The following ATP2A1 variants were observed in gnomAD, a reference collection of about 807,000 sequenced individuals.
ATP2A1 encodes the protein sarcoplasmic/endoplasmic reticulum calcium ATPase 1.
Under a neutral mutation model 109.5 loss-of-function variants are expected in ATP2A1, and 83 were observed. The ratio of observed to expected loss-of-function variants is 0.76; its 90% CI spans 0.63 to 0.91. ATP2A1 has a LOEUF of 0.91. ATP2A1 is among the 40% of genes least tolerant of loss of function. The pLI, the probability that ATP2A1 is intolerant of heterozygous loss-of-function variation, is 0.00. For synonymous variants in ATP2A1, 505 were observed against 537.6 expected, an observed-to-expected ratio of 0.94 and a Z score of 0.84; for missense variants, 1,101 against 1,341.0, an observed-to-expected ratio of 0.82 and a Z score of 2.80.
At chr16:28,879,738 GTCC>G (rs1963400775) in intron 3 of ATP2A1, 155 bp downstream of exon 3, 1 of 903,494 alleles carries the variant, frequency 1.1e-6, no homozygotes, top group Non-Finnish European at 1.7e-6. Context: ...TGTGATTCGC[GTCC>G]TCCTCTCTCC....
Position 28,898,498 on chromosome 16 carries a change from G to A in ATP2A1, c.1764+47G>A, listed in dbSNP as rs371166624. On this transcript the variant is annotated intron_variant, in intron 14 of 22. Transcript: ENST00000395503. The surrounding 1 kb of genome is among the most constrained non-coding windows in gnomAD (Gnocchi z 4.0). Reference sequence around the variant, plus strand: ...ACTGTCGTGGAGCTGGTGAAGGGCCGGGTCCCAGCCATCCACTCACAGCTC... The same window carrying A: ...ACTGTCGTGGAGCTGGTGAAGGGCCAGGTCCCAGCCATCCACTCACAGCTC... 39 of 1,574,732 alleles carry A rather than the reference G, an allele frequency of 2.5e-5. No individual in the cohort carries two copies. The African/African-American group carries it at 3.1e-4, about 13-fold the overall frequency.
In ATP2A1 at chr16:28,902,523, C is replaced by A; in HGVS notation, c.2525-57C>A. The A allele has an allele frequency of 6.3e-7, 1 of 1,586,902 alleles. No homozygotes were observed. Among genetic ancestry groups the A allele is most frequent in the Non-Finnish European group, 8.6e-7 (1 of 1,159,600 alleles). On this transcript the variant is annotated intron_variant, in intron 17 of 22. Coordinates refer to ENST00000395503, the MANE Select transcript of ATP2A1 (RefSeq NM_004320.6). The surrounding 1 kb of genome is among the most constrained non-coding windows in gnomAD (Gnocchi z 4.8). ...TCCATGGCCACATGAGGCCCTCAAC[C>A]CTCGATGCCCCCTATCTCCCCAGCC...
chr16:28,900,502 C>CAA, intron 14 of ATP2A1, 79 bp from the exon 15 acceptor site: 7 of 644,218 alleles, frequency 1.1e-5, no homozygotes, highest in East Asian at 4.6e-5. Context: ...TTCACCCCAT[C>CAA]CCCACCCCCC....
chr16:28,887,664 C>T lies in ATP2A1; in HGVS notation c.870C>T (p.Arg290=), dbSNP rs201786788. The T allele has an allele frequency of 2.3e-4, 368 of 1,614,120 alleles. 1 individual carries two copies. The Admixed American group carries it at 5.7e-3, about 25-fold the overall frequency. The change falls in exon 8 of 23, where the codon CGC becomes CGT. Residue 290 remains arginine, a synonymous_variant. Transcript: ENST00000395503. Reference sequence around the variant, plus strand: ...CCGTCCATGGGGGCTCCTGGTTCCGCGGGGCCATCTACTACTTTAAGATTG... The same window carrying T: ...CCGTCCATGGGGGCTCCTGGTTCCGTGGGGCCATCTACTACTTTAAGATTG... ...NDPVHGGSWF[R]GAIYYFKIAV... is the part of the protein sequence containing the mutation.
chr16:28,887,425 G>C lies in ATP2A1; in HGVS notation c.631G>C (p.Gly211Arg). Residue 211 changes from glycine (G) to arginine (R), a missense_variant and splice_region_variant, in exon 8 of 23, where the codon GGC (glycine) becomes CGC (arginine). Physicochemically the swap from Gly to Arg is moderately radical, Grantham distance 125. Coordinates refer to ENST00000395503, the MANE Select transcript of ATP2A1 (RefSeq NM_004320.6). Reference protein sequence around the residue: ...NQDKKNMLFSGTNIAAGKALG... With the variant: ...NQDKKNMLFSRTNIAAGKALG... ...CCCTGCCTCCTCTTTCCCTTCCCAGGGCACCAACATTGCAGCCGGCAAGGC... is the reference window on the plus strand; with the variant it reads ...CCCTGCCTCCTCTTTCCCTTCCCAGCGCACCAACATTGCAGCCGGCAAGGC... The C allele has an allele frequency of 6.2e-7, 1 of 1,613,892 alleles. No homozygotes were observed. The highest frequency in any genetic ancestry group is 1.1e-5 in the South Asian group (1 of 91,054).
intron 12 of ATP2A1, among the ~76,000 whole-genome samples, chr16:28,896,566 C>T (rs1963923495): frequency 6.6e-6 from 1 of 152,164 alleles, no homozygotes; most frequent in South Asian, 2.1e-4. Context: ...GCATGTGCCA[C>T]AACGCCCAAC....
Position 28,881,030 on chromosome 16 carries a change from ACCCTTCCTTAC to A in ATP2A1, c.324+18_324+28del. On this transcript the variant is annotated intron_variant, in intron 4 of 22. Coordinates refer to ENST00000395503, the MANE Select transcript of ATP2A1 (RefSeq NM_004320.6). ...GTGGGGGTTTGGCAGGTTAGCGTTG[ACCCTTCCTTAC>A]CCCTTCATGTCCCAACAGTGAAGAA... The A allele has an allele frequency of 1.9e-6, 3 of 1,609,176 alleles. No individual in the cohort carries two copies. The highest frequency in any genetic ancestry group is 2.6e-6 in the Non-Finnish European group (3 of 1,175,770).
chr16:28,881,292 C>A (rs545982451), intron 4 of ATP2A1, among the ~76,000 whole-genome samples: 8 of 152,284 alleles, frequency 5.3e-5, no homozygotes, highest in African/African-American at 1.9e-4. Flanking sequence ...AGTGTGAAAT[C>A]GACTAAGATG....
In ATP2A1 at chr16:28,902,527, G is replaced by A. The variant is rs1442734242; in HGVS notation, c.2525-53G>A. ...TGGCCACATGAGGCCCTCAACCCTC[G>A]ATGCCCCCTATCTCCCCAGCCCTGA... is the stretch of plus-strand genomic sequence containing the variant. On this transcript the variant is annotated intron_variant, in intron 17 of 22. Coordinates refer to ENST00000395503, the MANE Select transcript of ATP2A1 (RefSeq NM_004320.6). This position sits in a 1 kb window ranked among gnomAD's most constrained non-coding sequence, Gnocchi z 4.8. 15 of 1,590,542 alleles carry A rather than the reference G, an allele frequency of 9.4e-6. No homozygotes were observed. Among genetic ancestry groups the A allele is most frequent in the Middle Eastern group, 1.8e-4 (1 of 5,480 alleles).
chr16:28,895,303 G>A (rs1008452092), intron 12 of ATP2A1, among the ~76,000 whole-genome samples: 1 of 152,218 alleles, frequency 6.6e-6, no homozygotes, highest in African/African-American at 2.4e-5. Flanking sequence ...AGCAGATGAT[G>A]AGTCCTGACT....
At chr16:28,879,909 C>T in intron 3 of ATP2A1, 1 of 794,380 alleles carries the variant, frequency 1.3e-6, no homozygotes, top group Non-Finnish European at 1.6e-6. Context: ...CCGGCTGCGG[C>T]GCGGGGGGCC....
At position 28,898,579 on chromosome 16, in the gene ATP2A1, G is replaced by T; in HGVS notation, c.1764+128G>T. On this transcript the variant is annotated intron_variant, in intron 14 of 22. Coordinates refer to ENST00000395503, the MANE Select transcript of ATP2A1 (RefSeq NM_004320.6). The surrounding 1 kb of genome is among the most constrained non-coding windows in gnomAD (Gnocchi z 4.0). ...TCAAGTTGATGGCTCCTTAGTACAG[G>T]CCATGGAATCACAGGACAGTAGAGT... The T allele has an allele frequency of 9.0e-7, 1 of 1,110,444 alleles. No homozygotes were observed. The highest frequency in any genetic ancestry group is 2.6e-5 in the East Asian group (1 of 38,780). The allele number at this position is 1,110,444 out of a possible 1,614,324, so 68.8% of individuals were successfully genotyped here.
In ATP2A1 at chr16:28,883,566, C is replaced by T. The variant is rs534095422; in HGVS notation, c.463+977C>T. 9.8e-5 allele frequency among the ~76,000 whole-genome samples: 15 copies of T among 152,288 alleles called. No individual in the cohort carries two copies. The highest frequency in any genetic ancestry group is 2.1e-4 in the South Asian group (1 of 4,828). ...ATTGGACCCTGTCCCCAGTACCATC[C>T]GTGGGACCAGTGCGGAATTAGGCAG... is the stretch of plus-strand genomic sequence containing the variant. On this transcript the variant is annotated intron_variant, in intron 5 of 22. Coordinates refer to ENST00000395503, the MANE Select transcript of ATP2A1 (RefSeq NM_004320.6). The surrounding 1 kb of genome is among the most constrained non-coding windows in gnomAD (Gnocchi z 5.2).
intron 6 of ATP2A1, 27 bp from the exon 7 acceptor site, chr16:28,887,162 G>A (rs1159459411): frequency 8.1e-6 from 13 of 1,610,982 alleles, no homozygotes; most frequent in Admixed American, 5.0e-5. Context: ...GATGTCATCC[G>A]AAAACCCCTT....
At chr16:28,895,590 C>T (rs961645928) in intron 12 of ATP2A1, among the ~76,000 whole-genome samples, 1 of 151,734 alleles carries the variant, frequency 6.6e-6, no homozygotes, top group Non-Finnish European at 1.5e-5. Context: ...TTCTGGGAGG[C>T]TGAGGTGGGA....
At chr16:28,881,578 A>G (rs896283803) in intron 4 of ATP2A1, 4 of 193,602 alleles carry the variant, frequency 2.1e-5, no homozygotes, top group Non-Finnish European at 4.3e-5. Context: ...AGGCGGGTGG[A>G]TCAGTTGAGG....
intron 9 of ATP2A1, among the ~76,000 whole-genome samples, chr16:28,892,842 C>T (rs541549305): frequency 1.2e-4 from 19 of 152,038 alleles, no homozygotes; most frequent in Admixed American, 8.5e-4. Flanking sequence ...GTCAGGAGTT[C>T]GGGACCAGCC....
chr16:28,887,092 C>A, intron 6 of ATP2A1, 97 bp from the exon 7 acceptor site: 1 of 1,310,410 alleles, frequency 7.6e-7, no homozygotes, highest in Non-Finnish European at 1.1e-6. Flanking sequence ...TGGTCCTTAC[C>A]AGGAGCTGTC....
At position 28,903,923 on chromosome 16, in the gene ATP2A1, G is replaced by A; in HGVS notation, c.*37+182G>A. On this transcript the variant is annotated intron_variant, in intron 22 of 22. Transcript: ENST00000395503. The surrounding 1 kb of genome is among the most constrained non-coding windows in gnomAD (Gnocchi z 5.6). ...TGGCCTCCCACTGGGCGTCAGTTTGGCTCCCAGGCCCTGGGCAGTGCCAGC... is the reference window on the plus strand; with the variant it reads ...TGGCCTCCCACTGGGCGTCAGTTTGACTCCCAGGCCCTGGGCAGTGCCAGC... 1.3e-6 allele frequency: 1 copy of A among 756,746 alleles called. No homozygotes were observed. The highest frequency in any genetic ancestry group is 2.3e-6 in the Non-Finnish European group (1 of 436,118). The allele number at this position is 756,746 out of a possible 1,614,324, so 46.9% of individuals were successfully genotyped here. A position where few individuals can be genotyped will look rare whatever the true frequency, so the allele number is the denominator to read the frequency against.
Sources: gnomAD v4.1 joint callset for allele counts (sites outside exome capture counted in the v4.1 genomes callset) on GRCh38, gnomAD v4.1.1 for gene constraint, Gnocchi (gnomAD v3.1) non-coding constraint, MANE v1.5 for transcripts, NCBI Gene and HGNC (gene_info 2026-07-23, HGNC 2026-07-21) for gene names.